ADCYAP1R1: variants seen among roughly 807,000 people sequenced by gnomAD.
The protein encoded by ADCYAP1R1 is ADCYAP receptor type I, also known as pituitary adenylate cyclase-activating polypeptide type I receptor.
A neutral mutation model predicts 67.6 loss-of-function variants in ADCYAP1R1; 44 were observed. The observed-to-expected ratio is 0.65, with a 90% confidence interval of 0.51 to 0.84. The LOEUF (loss-of-function observed/expected upper bound fraction) is 0.84, where lower values mean the gene tolerates loss of function less well. Among genes scored for constraint, ADCYAP1R1 ranks in the 40% least tolerant of loss-of-function variants. The pLI is 0.00. For synonymous variants in ADCYAP1R1, 222 were observed against 219.6 expected (o/e 1.01, Z -0.10); for missense variants, 477 against 587.9 (o/e 0.81, Z 1.95).
At chr7:31,055,258 A>C (rs1322551559) in intron 1 of ADCYAP1R1, among the ~76,000 whole-genome samples, 2 of 152,166 alleles carry the variant, frequency 1.3e-5, no homozygotes, top group African/African-American at 4.8e-5. Flanking sequence ...GGACTCAGAG[A>C]TATTTGCCCA....
chr7:31,101,174 G>C (rs2128639701), intron 13 of ADCYAP1R1, among the ~76,000 whole-genome samples: 1 of 152,326 alleles, frequency 6.6e-6, no homozygotes, highest in South Asian at 2.1e-4. Context: ...TGGGGCTGCT[G>C]TGGGGCTGCT....
chr7:31,096,249 G>A (rs1206192811), intron 13 of ADCYAP1R1, among the ~76,000 whole-genome samples: 1 of 152,120 alleles, frequency 6.6e-6, no homozygotes, highest in African/African-American at 2.4e-5. Context: ...GTGGAGGAGG[G>A]AAAACCCATT....
intron 4 of ADCYAP1R1, 131 bp from the exon 5 acceptor site, chr7:31,080,482 C>A: frequency 1.1e-6 from 1 of 887,174 alleles, no homozygotes; most frequent in Non-Finnish European, 1.8e-6. Flanking sequence ...TCCCCCAGAG[C>A]CCCTCTTTAA....
At chr7:31,099,950 G>A (rs1169262418) in intron 13 of ADCYAP1R1, among the ~76,000 whole-genome samples, 5 of 152,172 alleles carry the variant, frequency 3.3e-5, no homozygotes, top group Admixed American at 2.0e-4. Context: ...ACGTATAGGC[G>A]TGCGTTTCTC....
intron 13 of ADCYAP1R1, among the ~76,000 whole-genome samples, chr7:31,096,289 T>C (rs556433994): frequency 3.9e-4 from 59 of 152,234 alleles, no homozygotes; most frequent in Admixed American, 2.7e-3. Context: ...CTTGGCCCCA[T>C]TGGGGAGGAT....
At position 31,084,148 on chromosome 7, in the gene ADCYAP1R1, A is replaced by C; in HGVS notation, c.336A>C (p.Gly112=). 6.2e-7 allele frequency: 1 copy of C among 1,613,914 alleles called. No homozygotes were observed. Among genetic ancestry groups the C allele is most frequent in the Non-Finnish European group, 8.5e-7 (1 of 1,179,918 alleles). ...DSNSLDLSDM[G]VVSRNCTEDG... Reference sequence around the variant, plus strand: ...GTTTTCTTTTTGCTGCAGACATGGGAGTGGTGAGCCGGAACTGCACGGAGG... The same window carrying C: ...GTTTTCTTTTTGCTGCAGACATGGGCGTGGTGAGCCGGAACTGCACGGAGG... Residue 112 remains glycine (G), a synonymous_variant, in exon 7 of 16, where the codon GGA becomes GGC. Coordinates refer to ENST00000304166, the MANE Select transcript of ADCYAP1R1 (RefSeq NM_001118.5).
intron 5 of ADCYAP1R1, among the ~76,000 whole-genome samples, chr7:31,080,923 G>A (rs922498805): frequency 1.3e-5 from 2 of 152,220 alleles, no homozygotes; most frequent in African/African-American, 2.4e-5. Flanking sequence ...ACAAGCTCAC[G>A]CATGAGTGTA....
rs1796802736 is a variant in ADCYAP1R1, at chr7:31,110,135, TCTCTC to T, written c.*3452_*3456del. The T allele has an allele frequency of 6.9e-6, 1 of 145,950 alleles. No homozygotes were observed. The allele number at this position is 145,950 out of a possible 1,614,324, so 9.0% of individuals were successfully genotyped here. On this transcript the variant is annotated 3_prime_UTR_variant, in exon 16 of 16. Transcript: ENST00000304166. Reference sequence around the variant, plus strand: ...AAAGCTCAAAGGGACTCTCTCTCTCTCTCTCTTTTTTTTTTTTTTTGAGTAGTACC... The same window carrying T: ...AAAGCTCAAAGGGACTCTCTCTCTCTTTTTTTTTTTTTTTTGAGTAGTACC...
chr7:31,069,939 G>T (rs906961113), intron 3 of ADCYAP1R1, among the ~76,000 whole-genome samples: 1 of 152,224 alleles, frequency 6.6e-6, no homozygotes, highest in Admixed American at 6.5e-5. Flanking sequence ...TTTGTCCCTT[G>T]TTCCAAACCC....
At chr7:31,099,548 T>A (rs1487987179) in intron 13 of ADCYAP1R1, among the ~76,000 whole-genome samples, 2 of 152,232 alleles carry the variant, frequency 1.3e-5, no homozygotes. Flanking sequence ...ATGTATGTGC[T>A]GATTCTGAGT....
At chr7:31,090,859 G>A (rs1795936936) in intron 12 of ADCYAP1R1, among the ~76,000 whole-genome samples, 1 of 152,204 alleles carries the variant, frequency 6.6e-6, no homozygotes, top group Non-Finnish European at 1.5e-5. Flanking sequence ...TTGCTACTGT[G>A]AATAGTGCTG....
intron 1 of ADCYAP1R1, among the ~76,000 whole-genome samples, chr7:31,059,507 G>A (rs1794400477): frequency 6.6e-6 from 1 of 152,184 alleles, no homozygotes; most frequent in African/African-American, 2.4e-5. Flanking sequence ...AGCCACTTTT[G>A]TGGCTGGGCT....
chr7:31,087,927 A>G (rs1480192631), intron 12 of ADCYAP1R1, among the ~76,000 whole-genome samples: 1 of 152,206 alleles, frequency 6.6e-6, no homozygotes, highest in Non-Finnish European at 1.5e-5. Flanking sequence ...TTTGTGCATA[A>G]TTTTGAGCAT....
intron 15 of ADCYAP1R1, among the ~76,000 whole-genome samples, chr7:31,106,095 C>A (rs1796632698): frequency 6.6e-6 from 1 of 152,288 alleles, no homozygotes; most frequent in East Asian, 1.9e-4. Flanking sequence ...ATTTTTAAAG[C>A]CCCCCAGGTA....
At chr7:31,052,747 C>A (rs1459693569) in intron 1 of ADCYAP1R1, 69 bp downstream of exon 1, 1 of 152,306 alleles carries the variant, frequency 6.6e-6, no homozygotes, top group Non-Finnish European at 1.5e-5. Context: ...GAACCTTCGC[C>A]CAGCCGGGAC....
intron 13 of ADCYAP1R1, among the ~76,000 whole-genome samples, chr7:31,095,131 C>T (rs1436071896): frequency 6.6e-6 from 1 of 152,156 alleles, no homozygotes; most frequent in African/African-American, 2.4e-5. Flanking sequence ...TGGAAATACT[C>T]GCGACCACAT....
At position 31,065,059 on chromosome 7, in the gene ADCYAP1R1, C is replaced by G. The variant is rs1258552104; in HGVS notation, c.157+123C>G. The G allele has an allele frequency of 7.5e-6, 5 of 669,908 alleles. No individual in the cohort carries two copies. In the East Asian group the frequency reaches 1.4e-4, roughly 18 times the overall value. The allele number at this position is 669,908 out of a possible 1,614,324, so 41.5% of individuals were successfully genotyped here. A position where few individuals can be genotyped will look rare whatever the true frequency, so the allele number is the denominator to read the frequency against. Reference sequence around the variant, plus strand: ...GTTTCTGGGGACTTCAGAAGGCCCTCGAGAATACTGATGTCCTGGATCTGC... The same window carrying G: ...GTTTCTGGGGACTTCAGAAGGCCCTGGAGAATACTGATGTCCTGGATCTGC... On this transcript the variant is annotated intron_variant, in intron 3 of 15. Coordinates refer to ENST00000304166, the MANE Select transcript of ADCYAP1R1 (RefSeq NM_001118.5).
At chr7:31,069,160 C>T (rs938833877) in intron 3 of ADCYAP1R1, among the ~76,000 whole-genome samples, 1 of 152,200 alleles carries the variant, frequency 6.6e-6, no homozygotes, top group Admixed American at 6.5e-5. Context: ...GCACAGCATC[C>T]ACCAGGGTAC....
chr7:31,106,181 T>G (rs944732750), intron 15 of ADCYAP1R1, among the ~76,000 whole-genome samples: 1 of 152,240 alleles, frequency 6.6e-6, no homozygotes, highest in African/African-American at 2.4e-5. Context: ...CCTGTGGGAC[T>G]GCTTGTTAAA....
Sources: gnomAD v4.1 joint callset for allele counts (sites outside exome capture counted in the v4.1 genomes callset) on GRCh38, gnomAD v4.1.1 for gene constraint, MANE v1.5 for transcripts, NCBI Gene and HGNC (gene_info 2026-07-23, HGNC 2026-07-21) for gene names.